SEC63: variants seen among roughly 807,000 people sequenced by gnomAD.
The protein encoded by SEC63 is SEC63 protein translocation regulator.
Under a neutral mutation model 116.2 loss-of-function variants are expected in SEC63, and 56 were observed. The ratio of observed to expected loss-of-function variants is 0.48; its 90% CI spans 0.39 to 0.60. The LOEUF is 0.60. SEC63 is among the 20% of genes least tolerant of loss of function. The probability of loss-of-function intolerance (pLI) is 0.00; values close to 1 mark genes in which losing one functional copy is unlikely to be tolerated. For synonymous variants in SEC63, 273 were observed against 294.6 expected, an observed-to-expected ratio of 0.93 and a Z score of 0.75; for missense variants, 668 against 900.0, an observed-to-expected ratio of 0.74 and a Z score of 3.30.
chr6:107,928,351 T>C (rs1259277077), intron 2 of SEC63, among the ~76,000 whole-genome samples: 2 of 151,386 alleles, frequency 1.3e-5, no homozygotes, highest in Non-Finnish European at 2.9e-5. Context: ...TAACCAGGTG[T>C]AGTGGCATGC....
chr6:107,898,733 T>C (rs1227515746), intron 13 of SEC63, among the ~76,000 whole-genome samples: 1 of 152,198 alleles, frequency 6.6e-6, no homozygotes, highest in Non-Finnish European at 1.5e-5. Flanking sequence ...ATAACTCAAA[T>C]ATACCTTCCA....
chr6:107,883,642 T>TTA (rs141133474), intron 16 of SEC63, among the ~76,000 whole-genome samples: 2,278 of 146,256 alleles, frequency 0.016, 28 homozygotes, highest in East Asian at 0.056. Context: ...AAAAAAAAAA[T>TTA]TATATATATA....
chr6:107,885,740 T>C (rs1309956606), intron 16 of SEC63, among the ~76,000 whole-genome samples: 1 of 152,172 alleles, frequency 6.6e-6, no homozygotes, highest in East Asian at 1.9e-4. Flanking sequence ...TACACTACCA[T>C]ATCTTAAGAC....
intron 1 of SEC63, among the ~76,000 whole-genome samples, chr6:107,936,847 T>C (rs1770258134): frequency 6.6e-6 from 1 of 152,202 alleles, no homozygotes; most frequent in South Asian, 2.1e-4. Context: ...TCAAACCTGT[T>C]TGCCTGCTTA....
intron 1 of SEC63, among the ~76,000 whole-genome samples, chr6:107,956,883 A>G (rs998293307): frequency 2.6e-5 from 4 of 152,170 alleles, no homozygotes; most frequent in Non-Finnish European, 5.9e-5. Flanking sequence ...TGAAGAGAAG[A>G]TATTTAAGCA....
chr6:107,944,363 G>A (rs1007465611), intron 1 of SEC63, among the ~76,000 whole-genome samples: 2 of 152,100 alleles, frequency 1.3e-5, no homozygotes, highest in African/African-American at 4.8e-5. Context: ...TGGAAATGTG[G>A]GTTAAGCACT....
At position 107,872,915 on chromosome 6, in the gene SEC63, A is replaced by G. The variant is rs1260868302; in HGVS notation, c.2035-3T>C. Reference sequence around the variant, plus strand: ...GGTGCAGGAAACTTCAGCTCTACCTAGAAGATAAAATCAGCACTTAAAAAT... The same window carrying G: ...GGTGCAGGAAACTTCAGCTCTACCTGGAAGATAAAATCAGCACTTAAAAAT... On this transcript the variant is annotated splice_region_variant and splice_polypyrimidine_tract_variant and intron_variant, in intron 19 of 20. Coordinates refer to ENST00000369002, the MANE Select transcript of SEC63 (RefSeq NM_007214.5). The G allele has an allele frequency of 2.0e-6, 3 of 1,534,472 alleles. No individual in the cohort carries two copies. The highest frequency in any genetic ancestry group is 2.7e-6 in the Non-Finnish European group (3 of 1,131,056).
chr6:107,925,227 A>T (rs1186716543), intron 2 of SEC63, among the ~76,000 whole-genome samples: 1 of 152,238 alleles, frequency 6.6e-6, no homozygotes, highest in African/African-American at 2.4e-5. Flanking sequence ...GGACGCATTA[A>T]ATTAGATCAA....
intron 1 of SEC63, among the ~76,000 whole-genome samples, chr6:107,937,068 G>T (rs908339682): frequency 6.6e-6 from 1 of 151,044 alleles, no homozygotes; most frequent in African/African-American, 2.4e-5. Context: ...GTGCTATAAA[G>T]GACATTTCAT....
chr6:107,873,696 T>C (rs1033191382), intron 19 of SEC63, among the ~76,000 whole-genome samples: 1 of 152,026 alleles, frequency 6.6e-6, no homozygotes, highest in African/African-American at 2.4e-5. Flanking sequence ...CAAATAGGTA[T>C]TTATATTTCT....
At chr6:107,913,229 T>A (rs185872505) in intron 5 of SEC63, 137 bp downstream of exon 5, 3 of 675,204 alleles carry the variant, frequency 4.4e-6, no homozygotes, top group Non-Finnish European at 7.7e-6. Context: ...CAAAAATTAA[T>A]GAGAGCTCAA....
chr6:107,935,930 A>C (rs1770236908), intron 1 of SEC63, among the ~76,000 whole-genome samples: 1 of 152,256 alleles, frequency 6.6e-6, no homozygotes, highest in Non-Finnish European at 1.5e-5. Context: ...GATGGCGGTA[A>C]TGTTAATTTT....
At chr6:107,898,393 T>C (rs1786916397) in intron 13 of SEC63, among the ~76,000 whole-genome samples, 1 of 152,162 alleles carries the variant, frequency 6.6e-6, no homozygotes, top group Non-Finnish European at 1.5e-5. Flanking sequence ...CATAACACAG[T>C]TCTCTCACAG....
At chr6:107,934,409 C>T (rs919960232) in intron 1 of SEC63, among the ~76,000 whole-genome samples, 5 of 151,414 alleles carry the variant, frequency 3.3e-5, no homozygotes, top group Non-Finnish European at 5.9e-5. Context: ...GTCTGTGCCC[C>T]GCGGCCCCGT....
chr6:107,918,128 A>C (rs913010046), intron 4 of SEC63, among the ~76,000 whole-genome samples: 2 of 152,176 alleles, frequency 1.3e-5, no homozygotes, highest in African/African-American at 2.4e-5. Context: ...AGAGCTCTTA[A>C]GATCTATGCT....
chr6:107,895,384 A>T (rs908101877), intron 14 of SEC63, among the ~76,000 whole-genome samples: 3 of 152,166 alleles, frequency 2.0e-5, no homozygotes, highest in African/African-American at 7.2e-5. Context: ...AATAAAAACA[A>T]CATCTTTGAT....
intron 18 of SEC63, among the ~76,000 whole-genome samples, chr6:107,878,506 G>A (rs558258800): frequency 1.3e-5 from 2 of 152,296 alleles, no homozygotes; most frequent in Admixed American, 6.5e-5. Context: ...CCCACTTAGA[G>A]AATGCCTTTC....
Position 107,921,427 on chromosome 6 carries a change from A to G in SEC63, c.452+370T>C, listed in dbSNP as rs543818397. On this transcript the variant is annotated intron_variant, in intron 4 of 20. Transcript: ENST00000369002. ...GAAAAAGTGTATGACAACTATTTTAATATTTTATTAAAACAGAAAACTATC... is the reference window on the plus strand; with the variant it reads ...GAAAAAGTGTATGACAACTATTTTAGTATTTTATTAAAACAGAAAACTATC... 5.3e-5 allele frequency among the ~76,000 whole-genome samples: 8 copies of G among 152,128 alleles called. 1 individual carries two copies. Among genetic ancestry groups the G allele is most frequent in the African/African-American group, 1.9e-4 (8 of 41,498 alleles).
At chr6:107,957,763 C>T in intron 1 of SEC63, 123 bp downstream of exon 1, 2 of 1,082,042 alleles carry the variant, frequency 1.8e-6, no homozygotes, top group Non-Finnish European at 2.4e-6. Context: ...GGACACAGGC[C>T]GGGCCGCACC....
Sources: allele counts gnomAD v4.1 joint callset (sites outside exome capture counted in the v4.1 genomes callset), GRCh38; gene constraint gnomAD v4.1.1; transcripts MANE v1.5; gene names NCBI Gene and HGNC (gene_info 2026-07-23, HGNC 2026-07-21).